The following NKAIN2 variants were observed in gnomAD, a reference collection of about 807,000 sequenced individuals.
NKAIN2 encodes the protein sodium/potassium transporting ATPase interacting 2.
Under a neutral mutation model 32.6 loss-of-function variants are expected in NKAIN2, and 14 were observed. The observed-to-expected ratio is 0.43, with a 90% CI of 0.28 to 0.67. The LOEUF (loss-of-function observed/expected upper bound fraction) is 0.67. NKAIN2 is among the 30% of genes least tolerant of loss of function. The probability of loss-of-function intolerance (pLI) is 0.17; values close to 1 mark genes in which losing one functional copy is unlikely to be tolerated. For missense variants in NKAIN2, 198 were observed against 258.3 expected, an observed-to-expected ratio of 0.77 and a Z score of 1.60; for synonymous variants, 80 against 87.2, an observed-to-expected ratio of 0.92 and a Z score of 0.46.
intron 3 of NKAIN2, among the ~76,000 whole-genome samples, chr6:124,589,759 T>C (rs1391212366): frequency 2.0e-5 from 3 of 152,132 alleles, no homozygotes; most frequent in Non-Finnish European, 2.9e-5. Flanking sequence ...TTGCTGCACC[T>C]ATCAACTCGT....
At chr6:123,942,070 T>G (rs2114557295) in intron 1 of NKAIN2, among the ~76,000 whole-genome samples, 1 of 152,086 alleles carries the variant, frequency 6.6e-6, no homozygotes, top group South Asian at 2.1e-4. Context: ...ATTTTATGTG[T>G]CTAAAATTAG....
chr6:124,578,668 C>T (rs559426917), intron 3 of NKAIN2, among the ~76,000 whole-genome samples: 4 of 151,970 alleles, frequency 2.6e-5, no homozygotes, highest in East Asian at 2.0e-4. Context: ...GGGAAGAAAA[C>T]GGCATGGCTA....
rs529011533 is a variant in NKAIN2 at position 124,442,469 on chromosome 6, CAGCCATATGAATTGAG to C, written c.273+87137_273+87152del. Among the ~76,000 whole-genome samples the C allele has an allele frequency of 1.2e-4, 19 of 152,200 alleles. No homozygotes were observed. In the East Asian group the frequency reaches 3.3e-3, roughly 26 times the overall value. On this transcript the variant is annotated intron_variant, in intron 3 of 6. Transcript: ENST00000368417. ...AGTTATAAAGGACCTCCCTCCCATTCAGCCATATGAATTGAGAGCCATATGAATTGCAATAATGGTG... is the reference window on the plus strand; with the variant it reads ...AGTTATAAAGGACCTCCCTCCCATTCAGCCATATGAATTGCAATAATGGTG...
At chr6:124,411,456 G>C (rs1774178645) in intron 3 of NKAIN2, among the ~76,000 whole-genome samples, 2 of 152,144 alleles carry the variant, frequency 1.3e-5, no homozygotes, top group African/African-American at 2.4e-5. Context: ...AGTTTGGCTG[G>C]ATATGAAATT....
At chr6:124,082,348 G>A (rs1048059515) in intron 1 of NKAIN2, among the ~76,000 whole-genome samples, 7 of 151,846 alleles carry the variant, frequency 4.6e-5, no homozygotes, top group Admixed American at 2.6e-4. Flanking sequence ...ATATTAATTA[G>A]GCTTAATATT....
intron 3 of NKAIN2, among the ~76,000 whole-genome samples, chr6:124,624,214 C>T (rs528349296): frequency 7.2e-5 from 11 of 152,022 alleles, no homozygotes; most frequent in South Asian, 2.1e-4. Context: ...ATAGCGAATC[C>T]CAGATGCTGA....
At chr6:124,613,713 A>G (rs1234316405) in intron 3 of NKAIN2, among the ~76,000 whole-genome samples, 1 of 152,166 alleles carries the variant, frequency 6.6e-6, no homozygotes, top group Non-Finnish European at 1.5e-5. Context: ...ACCTTCATCA[A>G]GCTAACCTTT....
chr6:124,554,772 T>C (rs1780413772), intron 3 of NKAIN2, among the ~76,000 whole-genome samples: 1 of 152,190 alleles, frequency 6.6e-6, no homozygotes, highest in Admixed American at 6.5e-5. Flanking sequence ...TTCCTTTTTG[T>C]TCTTTCTTCT....
chr6:124,643,287 A>T (rs699384), intron 3 of NKAIN2, among the ~76,000 whole-genome samples: 1 of 151,946 alleles, frequency 6.6e-6, no homozygotes, highest in Non-Finnish European at 1.5e-5. Flanking sequence ...ATCCCATCTC[A>T]TAAGTATAAG....
At chr6:124,410,727 C>T (rs931355436) in intron 3 of NKAIN2, among the ~76,000 whole-genome samples, 1 of 152,122 alleles carries the variant, frequency 6.6e-6, no homozygotes. Context: ...TGGTGCAGAG[C>T]TGAGTTCAAT....
chr6:124,378,122 G>A (rs905844241), intron 3 of NKAIN2, among the ~76,000 whole-genome samples: 1 of 152,030 alleles, frequency 6.6e-6, no homozygotes, highest in Non-Finnish European at 1.5e-5. Context: ...CTTACTGAAG[G>A]GGCCCCTGTG....
intron 1 of NKAIN2, among the ~76,000 whole-genome samples, chr6:123,932,406 C>CTTTTTTTTTTTTT (rs57063550): frequency 2.9e-4 from 30 of 104,442 alleles, no homozygotes; most frequent in East Asian, 9.8e-4. Flanking sequence ...TTCTGTCTTT[C>CTTTTTTTTTTTTT]TTTTTTTTTT....
At chr6:124,193,155 G>A (rs1485976428) in intron 1 of NKAIN2, among the ~76,000 whole-genome samples, 1 of 152,230 alleles carries the variant, frequency 6.6e-6, no homozygotes, top group Non-Finnish European at 1.5e-5. Context: ...TTCAGGTGTT[G>A]CTTTTCTGGC....
At chr6:124,704,308 A>C (rs182740868) in intron 4 of NKAIN2, among the ~76,000 whole-genome samples, 4 of 152,168 alleles carry the variant, frequency 2.6e-5, no homozygotes, top group Admixed American at 6.5e-5. Flanking sequence ...AAGACTATAG[A>C]AAGAAGAAAT....
chr6:124,417,432 AAT>A (rs770806104), intron 3 of NKAIN2, among the ~76,000 whole-genome samples: 7 of 152,202 alleles, frequency 4.6e-5, no homozygotes, highest in African/African-American at 1.7e-4. Flanking sequence ...AACAGAGAGA[AAT>A]AGACTGTAAT....
chr6:124,177,393 A>G (rs1789213889), intron 1 of NKAIN2, among the ~76,000 whole-genome samples: 2 of 152,194 alleles, frequency 1.3e-5, no homozygotes, highest in Admixed American at 6.5e-5. Flanking sequence ...AACTTCTGGT[A>G]TAATCCTGTG....
In NKAIN2 at chr6:124,711,437, C is replaced by A. The variant is rs1438997584; in HGVS notation, c.474+53051C>A. 6.0e-5 allele frequency among the ~76,000 whole-genome samples: 9 copies of A among 150,158 alleles called. No homozygotes were observed. In the South Asian group the frequency reaches 6.4e-4, roughly 11 times the overall value. ...GTTTTCTAACTTGGTTCCATTCTCC[C>A]CATCACTTTCAGGTACACCAGTCAG... On this transcript the variant is annotated intron_variant, in intron 4 of 6. Transcript: ENST00000368417.
At chr6:124,216,748 C>T (rs1177058781) in intron 1 of NKAIN2, among the ~76,000 whole-genome samples, 2 of 152,064 alleles carry the variant, frequency 1.3e-5, no homozygotes, top group African/African-American at 2.4e-5. Flanking sequence ...ATTCAATAAT[C>T]TATATTAAAT....
chr6:123,850,634 C>T (rs1358061770), intron 1 of NKAIN2, among the ~76,000 whole-genome samples: 3 of 152,128 alleles, frequency 2.0e-5, no homozygotes, highest in Non-Finnish European at 2.9e-5. Flanking sequence ...GACAAATAAA[C>T]ATTGCATTTA....
Sources: allele counts gnomAD v4.1 joint callset (sites outside exome capture counted in the v4.1 genomes callset), GRCh38; gene constraint gnomAD v4.1.1; transcripts MANE v1.5; gene names NCBI Gene and HGNC (gene_info 2026-07-23, HGNC 2026-07-21).